Variants in TPM1 observed in about 807,000 individuals in gnomAD.
TPM1 encodes the protein tropomyosin alpha-1 chain.
A neutral mutation model predicts 42.9 loss-of-function variants in TPM1; 24 were observed. The ratio of observed to expected loss-of-function variants is 0.56; its 90% CI spans 0.41 to 0.79. The LOEUF is 0.79. Among genes scored for constraint, TPM1 ranks in the 30% least tolerant of loss-of-function variants. The probability of loss-of-function intolerance (pLI) is 0.00; values close to 1 mark genes in which losing one functional copy is unlikely to be tolerated. For missense variants in TPM1, 158 were observed against 351.8 expected, an observed-to-expected ratio of 0.45 and a Z score of 4.41; for synonymous variants, 136 against 130.1, an observed-to-expected ratio of 1.05 and a Z score of -0.31.
chr15:63,056,561 G>A (rs1027836819), intron 2 of TPM1: 50 of 240,494 alleles, frequency 2.1e-4, no homozygotes, highest in Non-Finnish European at 3.5e-4. Context: ...CAACTACTCG[G>A]GAGGCTGAGG....
intron 6 of TPM1, 33 bp from the exon 7 acceptor site, chr15:63,062,182 G>C (rs780269674): frequency 6.2e-7 from 1 of 1,603,196 alleles, no homozygotes; most frequent in Non-Finnish European, 8.5e-7. Context: ...TTGAGCTGCA[G>C]CCTGACATCT....
chr15:63,056,967 T>C lies in TPM1; in HGVS notation c.241-18T>C, dbSNP rs765279723. On this transcript the variant is annotated intron_variant, in intron 2 of 9. Transcript: ENST00000403994. ...CACTTTCTCCCCAACTCTGAAATGC[T>C]TTTCACTCTCTACCTAGGCTGAAGC... is the stretch of plus-strand genomic sequence containing the variant. The C allele has an allele frequency of 5.6e-6, 9 of 1,614,062 alleles. No homozygotes were observed. The East Asian group carries it at 2.0e-4, about 36-fold the overall frequency.
rs1071646 is a variant in TPM1, at chr15:63,059,641, C to A, written c.453C>A (p.Ala151=). ...TTCAGGAGATCCAACTGAAAGAGGC[C>A]AAGCACATTGCTGAAGATGCCGACC... The part of the protein sequence containing the change: ...MEIQEIQLKE[A]KHIAEDADRK... Residue 151 remains alanine, a synonymous_variant, in exon 4 of 10, where the codon GCC becomes GCA. Transcript: ENST00000403994. The A allele has an allele frequency of 0.66, 1,069,035 of 1,610,730 alleles. 357,799 individuals are homozygous for A. The highest frequency in any genetic ancestry group is 0.95 in the East Asian group (42,596 of 44,762).
chr15:63,064,732 G>A (rs757175279), intron 9 of TPM1: 16 of 883,776 alleles, frequency 1.8e-5, no homozygotes, highest in African/African-American at 3.6e-5. Context: ...TTGGGAGGCC[G>A]AGGCGGGCGG....
chr15:63,066,793 C>CTT (rs1460039054), downstream of TPM1, among the ~76,000 whole-genome samples: 2 of 151,948 alleles, frequency 1.3e-5, no homozygotes, highest in Non-Finnish European at 2.9e-5. Flanking sequence ...TTGTTTTGTG[C>CTT]TTTTTAGCAC....
At chr15:63,043,892 C>T in intron 1 of TPM1, 135 bp from the exon 2 acceptor site, 3 of 1,551,460 alleles carry the variant, frequency 1.9e-6, no homozygotes, top group Non-Finnish European at 2.6e-6. Context: ...CTTTCTCTCT[C>T]TCCCTCCCTG....
chr15:63,048,528 G>T (rs1458796995), intron 2 of TPM1: 4 of 1,506,032 alleles, frequency 2.7e-6, no homozygotes, highest in Non-Finnish European at 3.5e-6. Context: ...CAGGGCAGCA[G>T]CCGGCCTCTC....
At chr15:63,056,842 A>C (rs966125403) in intron 2 of TPM1, 143 bp from the exon 3 acceptor site, 1 of 1,071,570 alleles carries the variant, frequency 9.3e-7, no homozygotes, top group Non-Finnish European at 1.4e-6. Context: ...TCCAGAGTTG[A>C]TGAGGGCTTG....
intron 2 of TPM1, chr15:63,056,726 G>A (rs1242894496): frequency 1.6e-5 from 8 of 491,414 alleles, no homozygotes; most frequent in African/African-American, 5.8e-5. Context: ...GTGAAAGAGC[G>A]TTTGCTAATG....
At chr15:63,058,728 A>C (rs2035167128) in intron 3 of TPM1, among the ~76,000 whole-genome samples, 1 of 152,216 alleles carries the variant, frequency 6.6e-6, no homozygotes, top group African/African-American at 2.4e-5. Context: ...AAATAAAAAA[A>C]TAGTGGTTCA....
intron 2 of TPM1, chr15:63,056,262 A>C (rs932055855): frequency 1.3e-5 from 2 of 152,356 alleles, no homozygotes; most frequent in Non-Finnish European, 2.9e-5. Context: ...ATTGTCTTAC[A>C]TGGCTGAGCC....
At chr15:63,043,310 T>G (rs535703313) in intron 1 of TPM1, 55 of 531,772 alleles carry the variant, frequency 1.0e-4, no homozygotes, top group South Asian at 8.3e-4. Context: ...AACTCAAGTG[T>G]TAGAAGTTCG....
chr15:63,055,269 C>G (rs1366546165), intron 2 of TPM1, among the ~76,000 whole-genome samples: 1 of 152,188 alleles, frequency 6.6e-6, no homozygotes, highest in Non-Finnish European at 1.5e-5. Context: ...CTCCATCAAC[C>G]AATTACTACA....
chr15:63,053,475 G>GATGGCTGT (rs1400017247), intron 2 of TPM1, among the ~76,000 whole-genome samples: 1 of 152,138 alleles, frequency 6.6e-6, no homozygotes, highest in African/African-American at 2.4e-5. Context: ...GTCTCACACT[G>GATGGCTGT]ATGGCTGTAT....
intron 9 of TPM1, 49 bp from the exon 10 acceptor site, chr15:63,065,847 T>TTC: frequency 6.4e-7 from 1 of 1,562,084 alleles, no homozygotes; most frequent in Non-Finnish European, 8.7e-7. Context: ...TTTTTTTTTT[T>TTC]CTCATTGTGC....
rs1052018045 is a variant in TPM1 at position 63,059,097 on chromosome 15, T to C, written c.375-466T>C. Among the ~76,000 whole-genome samples the C allele has an allele frequency of 6.6e-5, 10 of 152,244 alleles. No homozygotes were observed. The East Asian group carries it at 1.3e-3, about 20-fold the overall frequency. ...TAACATTAAGTCTAATATTTTTGTT[T>C]ATGGGTGGCAGGGTAAGAAGATTCT... On this transcript the variant is annotated intron_variant, in intron 3 of 9. Transcript: ENST00000403994.
intron 2 of TPM1, among the ~76,000 whole-genome samples, chr15:63,051,484 A>T (rs1418057768): frequency 6.6e-6 from 1 of 151,568 alleles, no homozygotes; most frequent in Non-Finnish European, 1.5e-5. Flanking sequence ...TGGCACACAC[A>T]GGAGGTTGTG....
intron 8 of TPM1, among the ~76,000 whole-genome samples, chr15:63,063,579 T>G (rs2035932750): frequency 6.6e-6 from 1 of 152,230 alleles, no homozygotes; most frequent in Non-Finnish European, 1.5e-5. Flanking sequence ...GGTTTGAAGG[T>G]GGAACCAGAT....
chr15:63,059,662 C>G lies in TPM1; in HGVS notation c.474C>G (p.Ala158=), dbSNP rs143922069. ...LKEAKHIAED[A]DRKYEEVARK... is the part of the protein sequence containing the mutation. ...AGGCCAAGCACATTGCTGAAGATGC[C>G]GACCGCAAATATGAAGAGGTCAGAT... Residue 158 remains alanine (A), a synonymous_variant, in exon 4 of 10, where the codon GCC becomes GCG. Transcript: ENST00000403994. 6.2e-7 allele frequency: 1 copy of G among 1,610,136 alleles called. No individual in the cohort carries two copies. The highest frequency in any genetic ancestry group is 8.5e-7 in the Non-Finnish European group (1 of 1,177,450).
Sources: allele counts gnomAD v4.1 joint callset (sites outside exome capture counted in the v4.1 genomes callset), GRCh38; gene constraint gnomAD v4.1.1; transcripts MANE v1.5; gene names NCBI Gene and HGNC (gene_info 2026-07-23, HGNC 2026-07-21).